Variants in FOXRED2 observed in about 807,000 individuals in gnomAD.
FOXRED2 encodes the protein FAD-dependent oxidoreductase domain-containing protein 2.
In FOXRED2, 32 loss-of-function variants were observed where a neutral mutation model predicts 52.5. The ratio of observed to expected loss-of-function variants is 0.61; its 90% CI spans 0.46 to 0.82. The LOEUF (loss-of-function observed/expected upper bound fraction) is 0.82. FOXRED2 is among the 40% of genes least tolerant of loss of function. The pLI is 0.00. For synonymous variants in FOXRED2, 405 were observed against 398.1 expected, an observed-to-expected ratio of 1.02 and a Z score of -0.21; for missense variants, 848 against 937.5, an observed-to-expected ratio of 0.90 and a Z score of 1.25.
chr22:36,495,317 C>T (rs1007761712), intron 7 of FOXRED2, among the ~76,000 whole-genome samples: 3 of 152,300 alleles, frequency 2.0e-5, no homozygotes, highest in Admixed American at 6.5e-5. Context: ...CCTGCTGACA[C>T]GACTTCTGCC....
intron 6 of FOXRED2, among the ~76,000 whole-genome samples, chr22:36,496,579 C>T (rs1225572924): frequency 6.6e-6 from 1 of 152,174 alleles, no homozygotes; most frequent in East Asian, 1.9e-4. Flanking sequence ...CTTGAGAGGT[C>T]AAGGAGGGCT....
chr22:36,504,335 T>A lies in FOXRED2; in HGVS notation c.812A>T (p.Gln271Leu). The A allele has an allele frequency of 6.2e-7, 1 of 1,614,058 alleles. No homozygotes were observed. Among genetic ancestry groups the A allele is most frequent in the Non-Finnish European group, 8.5e-7 (1 of 1,180,000 alleles). The change falls in exon 4 of 9, where the codon CAG becomes CTG. Residue 271 changes from glutamine to leucine, a missense_variant. By Grantham distance (113) the Gln-to-Leu change is moderately radical. Transcript: ENST00000397224. ...AINNGLLDTY[Q>L]LKSLDGLLES... ...GAGCAGCCCGTCCAGGGACTTGAGC[T>A]GGTAGGTATCCAGCAGGCCATTGTT...
chr22:36,493,813 GGA>G lies in FOXRED2; in HGVS notation c.1625-12_1625-11del, dbSNP rs749714886. On this transcript the variant is annotated splice_polypyrimidine_tract_variant and intron_variant, in intron 7 of 8. Coordinates refer to ENST00000397224, the MANE Select transcript of FOXRED2 (RefSeq NM_001102371.2). ...AACCTCACCTCCTGTTCTGTGGGGA[GGA>G]GAGAGGGGGCCATGTCAGAGCTGTG... 2.6e-5 allele frequency: 42 copies of G among 1,613,196 alleles called. No individual in the cohort carries two copies. The East Asian group carries it at 9.1e-4, about 35-fold the overall frequency.
chr22:36,496,562 C>T (rs371258655), intron 6 of FOXRED2, among the ~76,000 whole-genome samples: 6 of 152,270 alleles, frequency 3.9e-5, no homozygotes, highest in African/African-American at 9.6e-5. Flanking sequence ...GAGAGGGGGC[C>T]GGAGGCCTTG....
chr22:36,500,911 A>AC (rs1934025814), intron 5 of FOXRED2, among the ~76,000 whole-genome samples: 1 of 143,826 alleles, frequency 7.0e-6, no homozygotes, highest in Non-Finnish European at 1.5e-5. Context: ...TATTTTTGAG[A>AC]CCAAGTCTCG....
chr22:36,493,217 C>A (rs924596313), intron 8 of FOXRED2, among the ~76,000 whole-genome samples: 1 of 152,128 alleles, frequency 6.6e-6, no homozygotes, highest in Non-Finnish European at 1.5e-5. Context: ...CTGAGGCAGG[C>A]GGATCACGAG....
At position 36,506,348 on chromosome 22, in the gene FOXRED2, C is replaced by A. The variant is rs1295139864; in HGVS notation, c.75G>T (p.Leu25=). The change falls in exon 2 of 9, where the codon CTG becomes CTT. Residue 25 remains leucine, a synonymous_variant. Transcript: ENST00000397224. ...AGTAGTCCCGGCGCGGGGGCACCGACAGCGCTGGGTGCAGGGCGATGGCCA... is the reference window on the plus strand; with the variant it reads ...AGTAGTCCCGGCGCGGGGGCACCGAAAGCGCTGGGTGCAGGGCGATGGCCA... ...LLLAIALHPA[L]SVPPRRDYCV... 22 of 1,483,348 alleles carry A rather than the reference C, an allele frequency of 1.5e-5. No homozygotes were observed. The highest frequency in any genetic ancestry group is 2.0e-5 in the Non-Finnish European group (22 of 1,119,672). 91.9% of individuals were successfully genotyped at this position (1,483,348 alleles called of 1,614,324 possible).
rs568582028 is a variant in FOXRED2, at chr22:36,497,911, C to G, written c.1382+80G>C. 70 of 1,482,316 alleles carry G rather than the reference C, an allele frequency of 4.7e-5. No homozygotes were observed. The Middle Eastern group carries it at 1.4e-3, about 30-fold the overall frequency. 91.8% of individuals were successfully genotyped at this position (1,482,316 alleles called of 1,614,324 possible). ...TTAGGAAAGAACTGGGCACCTCACA[C>G]CTGGAATAGGAAGAGAAGCGCTATG... is the stretch of plus-strand genomic sequence containing the variant. On this transcript the variant is annotated intron_variant, in intron 6 of 8. Transcript: ENST00000397224.
At chr22:36,490,310 T>C (rs1227766381) in intron 8 of FOXRED2, 43 bp from the exon 9 acceptor site, 3 of 1,541,510 alleles carry the variant, frequency 1.9e-6, no homozygotes, top group South Asian at 2.4e-5. Context: ...GGCTGGGACA[T>C]GTGGGGAGGG....
chr22:36,495,393 G>T (rs984315232), intron 7 of FOXRED2, among the ~76,000 whole-genome samples: 1 of 152,204 alleles, frequency 6.6e-6, no homozygotes, highest in Non-Finnish European at 1.5e-5. Context: ...CTGAAGCAGG[G>T]GGTGCGTTCC....
chr22:36,489,016 G>A lies in FOXRED2; in HGVS notation c.*992C>T, dbSNP rs1401919671. On this transcript the variant is annotated 3_prime_UTR_variant, in exon 9 of 9. Transcript: ENST00000397224. ...AAGTGCAGATTGCTGGTGAGGAAGGGCAATGAAGAAGAGACTAGGAACCAA... is the reference window on the plus strand; with the variant it reads ...AAGTGCAGATTGCTGGTGAGGAAGGACAATGAAGAAGAGACTAGGAACCAA... 6.6e-6 allele frequency: 1 copy of A among 152,242 alleles called. No individual in the cohort carries two copies. The highest frequency in any genetic ancestry group is 2.4e-5 in the African/African-American group (1 of 41,450). 9.4% of individuals were successfully genotyped at this position (152,242 alleles called of 1,614,324 possible).
chr22:36,495,843 G>A, intron 7 of FOXRED2, 124 bp downstream of exon 7: 1 of 1,073,806 alleles, frequency 9.3e-7, no homozygotes, highest in East Asian at 2.4e-5. Flanking sequence ...TCTCTAGGCA[G>A]AGTCCCGCAG....
Position 36,504,113 on chromosome 22 carries a change from A to T in FOXRED2, c.1034T>A (p.Phe345Tyr), listed in dbSNP as rs778723147. 6 of 1,613,942 alleles carry T rather than the reference A, an allele frequency of 3.7e-6. No individual in the cohort carries two copies. Among genetic ancestry groups the T allele is most frequent in the Non-Finnish European group, 5.1e-6 (6 of 1,179,970 alleles). Residue 345 changes from phenylalanine (F) to tyrosine (Y), a missense_variant, in exon 4 of 9, where the codon TTC becomes TAC. By Grantham distance (22) the Phe-to-Tyr change is conservative. Coordinates refer to ENST00000397224, the MANE Select transcript of FOXRED2 (RefSeq NM_001102371.2). Reference protein sequence around the residue: ...VIRCLGWNFDFSIFNKSLRLN... With the variant: ...VIRCLGWNFDYSIFNKSLRLN... Reference sequence around the variant, plus strand: ...TGGAACTCACTTATTGAAAATGGAGAAGTCAAAGTTCCAGCCCAGGCAGCG... The same window carrying T: ...TGGAACTCACTTATTGAAAATGGAGTAGTCAAAGTTCCAGCCCAGGCAGCG...
At chr22:36,499,396 G>A (rs1382085785) in intron 5 of FOXRED2, among the ~76,000 whole-genome samples, 4 of 152,054 alleles carry the variant, frequency 2.6e-5, no homozygotes, top group African/African-American at 4.8e-5. Context: ...TGGGTGGATC[G>A]CTTGAGCTTG....
At chr22:36,501,140 C>A in intron 5 of FOXRED2, 101 bp downstream of exon 5, 6 of 1,234,122 alleles carry the variant, frequency 4.9e-6, no homozygotes, top group Non-Finnish European at 6.9e-6. Flanking sequence ...TACTGACAAG[C>A]AATCCCCTAA....
intron 4 of FOXRED2, among the ~76,000 whole-genome samples, chr22:36,501,962 G>A (rs1216020081): frequency 3.3e-5 from 5 of 150,710 alleles, no homozygotes; most frequent in East Asian, 4.0e-4. Flanking sequence ...TCAGGAGTTC[G>A]AGACCAGCCT....
Position 36,501,680 on chromosome 22 carries a change from C to T in FOXRED2, c.1050-273G>A, listed in dbSNP as rs1170795632. ...TTCACCACGTTAGCCAGCCTGGTCT[C>T]GATGTCCTGACCTTAGGTGATCTGT... On this transcript the variant is annotated intron_variant, in intron 4 of 8. Transcript: ENST00000397224. Among the ~76,000 whole-genome samples, 10 of 151,994 alleles carry T rather than the reference C, an allele frequency of 6.6e-5. No homozygotes were observed. The East Asian group carries it at 9.7e-4, about 15-fold the overall frequency.
At chr22:36,500,030 C>T (rs1934003797) in intron 5 of FOXRED2, among the ~76,000 whole-genome samples, 1 of 152,062 alleles carries the variant, frequency 6.6e-6, no homozygotes, top group Admixed American at 6.6e-5. Context: ...CGAACTCCTG[C>T]CCTCAGGTGA....
rs140566104 is a variant in FOXRED2 at position 36,496,178 on chromosome 22, C to T, written c.1413G>A (p.Glu471=). 218 of 1,614,022 alleles carry T rather than the reference C, an allele frequency of 1.4e-4. 2 individuals are homozygous for T. In the African/African-American group the frequency reaches 2.7e-3, roughly 20 times the overall value. ...GCTGGGCCAGCATCTGTATGGGGAA[C>T]TCCTCCAGGTACTCAAAGGCCGTGG... ...ENSTAFEYLE[E]FPIQMLAQLE... Residue 471 remains glutamate (E), a synonymous_variant, in exon 7 of 9, where the codon GAG becomes GAA. Coordinates refer to ENST00000397224, the MANE Select transcript of FOXRED2 (RefSeq NM_001102371.2).
Sources: gnomAD v4.1 joint callset for allele counts (sites outside exome capture counted in the v4.1 genomes callset) on GRCh38, gnomAD v4.1.1 for gene constraint, MANE v1.5 for transcripts, NCBI Gene and HGNC (gene_info 2026-07-23, HGNC 2026-07-21) for gene names.